The following WWC1 variants were observed in gnomAD, a reference collection of about 807,000 sequenced individuals.
WWC1 encodes WW and C2 domain containing 1, also known as protein KIBRA.
Under a neutral mutation model 138.4 loss-of-function variants are expected in WWC1, and 55 were observed. The observed-to-expected ratio is 0.40, with a 90% CI of 0.32 to 0.50. The LOEUF (loss-of-function observed/expected upper bound fraction) is 0.50. WWC1 is among the 20% of genes least tolerant of loss of function. The pLI, the probability that WWC1 is intolerant of heterozygous loss-of-function variation, is 0.72. For missense variants in WWC1, 1,226 were observed against 1,420.4 expected (o/e 0.86, Z 2.20); for synonymous variants, 524 against 564.9 (o/e 0.93, Z 1.03).
chr5:168,368,115 A>G (rs899261671), intron 1 of WWC1, among the ~76,000 whole-genome samples: 45 of 104,676 alleles, frequency 4.3e-4, no homozygotes, highest in Middle Eastern at 6.5e-3. Context: ...TTTGAGACGG[A>G]GTTTTGTTCT....
chr5:168,432,274 T>A (rs1439106550), intron 15 of WWC1, among the ~76,000 whole-genome samples: 1 of 152,168 alleles, frequency 6.6e-6, no homozygotes, highest in African/African-American at 2.4e-5. Flanking sequence ...TATTCAAGTG[T>A]CTGATCCACA....
intron 1 of WWC1, among the ~76,000 whole-genome samples, chr5:168,330,804 G>A (rs563896945): frequency 6.6e-6 from 1 of 152,178 alleles, no homozygotes; most frequent in Non-Finnish European, 1.5e-5. Flanking sequence ...GAAGCCAGAG[G>A]TGGATGAAGA....
chr5:168,412,382 A>G (rs959671806), intron 8 of WWC1, among the ~76,000 whole-genome samples: 5 of 152,232 alleles, frequency 3.3e-5, no homozygotes, highest in African/African-American at 7.2e-5. Flanking sequence ...TTTGTCACAC[A>G]TGCATTTCTG....
chr5:168,370,828 A>G (rs1292134962), intron 1 of WWC1, among the ~76,000 whole-genome samples: 3 of 152,192 alleles, frequency 2.0e-5, no homozygotes, highest in African/African-American at 7.2e-5. Flanking sequence ...TTTGGCCTGG[A>G]TTGTCTAAGG....
chr5:168,349,624 C>T (rs1170727318), intron 1 of WWC1, among the ~76,000 whole-genome samples: 2 of 152,212 alleles, frequency 1.3e-5, no homozygotes, highest in African/African-American at 2.4e-5. Context: ...CTGGTACCTA[C>T]ATTGTGGTCT....
At chr5:168,303,744 G>C (rs1227818242) in intron 1 of WWC1, among the ~76,000 whole-genome samples, 1 of 152,144 alleles carries the variant, frequency 6.6e-6, no homozygotes, top group Non-Finnish European at 1.5e-5. Context: ...TGCCCTCCCT[G>C]TTTCTCAGTG....
chr5:168,309,125 C>T (rs1465430975), intron 1 of WWC1, among the ~76,000 whole-genome samples: 2 of 152,222 alleles, frequency 1.3e-5, no homozygotes, highest in Admixed American at 6.5e-5. Context: ...TAGCAGTGCT[C>T]CCAACTCCCT....
intron 1 of WWC1, among the ~76,000 whole-genome samples, chr5:168,337,879 C>A (rs1010429220): frequency 2.6e-5 from 4 of 152,104 alleles, no homozygotes; most frequent in African/African-American, 9.7e-5. Flanking sequence ...AAGAGGATGG[C>A]ATTCCTGGCA....
chr5:168,398,054 A>G (rs982357141), intron 4 of WWC1, among the ~76,000 whole-genome samples: 2 of 152,080 alleles, frequency 1.3e-5, no homozygotes, highest in East Asian at 1.9e-4. Flanking sequence ...GTGTCTATGA[A>G]GTAACTACCG....
At chr5:168,406,396 T>C in intron 6 of WWC1, 69 bp downstream of exon 6, 1 of 1,592,000 alleles carries the variant, frequency 6.3e-7, no homozygotes, top group Non-Finnish European at 8.6e-7. Context: ...GCCAGTCGTA[T>C]GCGGGCTATT....
chr5:168,360,260 A>G (rs114122048), intron 1 of WWC1, among the ~76,000 whole-genome samples: 2,557 of 152,324 alleles, frequency 0.017, 34 homozygotes, highest in Non-Finnish European at 0.026. Context: ...AAAATGCTGA[A>G]TGTGTTTAAA....
chr5:168,343,008 T>C (rs771351953), intron 1 of WWC1, among the ~76,000 whole-genome samples: 10 of 152,124 alleles, frequency 6.6e-5, no homozygotes, highest in Non-Finnish European at 1.3e-4. Context: ...CAAGGAAGGA[T>C]TGGGCTCCCA....
chr5:168,398,138 C>G (rs1779050444), intron 4 of WWC1, among the ~76,000 whole-genome samples: 1 of 152,038 alleles, frequency 6.6e-6, no homozygotes, highest in African/African-American at 2.4e-5. Flanking sequence ...GAGTCTCGCT[C>G]TGTCACCCAG....
chr5:168,445,093 A>G (rs553454740), intron 17 of WWC1, among the ~76,000 whole-genome samples: 2 of 151,968 alleles, frequency 1.3e-5, no homozygotes, highest in Non-Finnish European at 2.9e-5. Context: ...AGGTGGGTGG[A>G]TCACGACGTC....
At position 168,417,515 on chromosome 5, in the gene WWC1, C is replaced by T. The variant is rs1780753562; in HGVS notation, c.1184+2925C>T. ...TTAAAAATGAGGAAACTGAGGCTCACCCGAGATCCCTAAGTGCCAGAGCTG... is the reference window on the plus strand; with the variant it reads ...TTAAAAATGAGGAAACTGAGGCTCATCCGAGATCCCTAAGTGCCAGAGCTG... On this transcript the variant is annotated intron_variant, in intron 9 of 22. Coordinates refer to ENST00000265293, the MANE Select transcript of WWC1 (RefSeq NM_015238.3). Among the ~76,000 whole-genome samples, 3 of 152,136 alleles carry T rather than the reference C, an allele frequency of 2.0e-5. No homozygotes were observed. In the South Asian group the frequency reaches 6.2e-4, roughly 32 times the overall value.
chr5:168,322,492 G>A (rs1772198774), intron 1 of WWC1, among the ~76,000 whole-genome samples: 1 of 152,214 alleles, frequency 6.6e-6, no homozygotes, highest in Non-Finnish European at 1.5e-5. Context: ...TGTGGGTCAT[G>A]GTTCTCTATC....
chr5:168,372,250 G>GGT (rs1476629611), intron 2 of WWC1, among the ~76,000 whole-genome samples: 41 of 146,950 alleles, frequency 2.8e-4, no homozygotes, highest in Non-Finnish European at 3.2e-4. Context: ...GAGGAACCCA[G>GGT]GGAGCAATCC....
intron 17 of WWC1, among the ~76,000 whole-genome samples, chr5:168,450,712 A>G (rs1037106643): frequency 2.6e-5 from 4 of 152,312 alleles, no homozygotes; most frequent in African/African-American, 9.6e-5. Context: ...AGAGCTACAC[A>G]TAAAACCTGA....
At chr5:168,403,066 CTTTCTTTCTTTCT>C (rs1265629190) in intron 5 of WWC1, among the ~76,000 whole-genome samples, 2 of 108,308 alleles carry the variant, frequency 1.8e-5, no homozygotes, top group Non-Finnish European at 3.8e-5. Context: ...TTCTTTCTTT[CTTTCTTTCTTTCT>C]TTTCTTTCTT....
Sources: allele counts gnomAD v4.1 joint callset (sites outside exome capture counted in the v4.1 genomes callset), GRCh38; gene constraint gnomAD v4.1.1; transcripts MANE v1.5; gene names NCBI Gene and HGNC (gene_info 2026-07-23, HGNC 2026-07-21).